ASTN2: variants seen among roughly 807,000 people sequenced by gnomAD.
ASTN2 encodes astrotactin-2.
ASTN2 carries 54 observed loss-of-function variants against 139.8 expected under a neutral mutation model. That is an observed-to-expected ratio of 0.39 (90% CI 0.31 to 0.48). The LOEUF is 0.48. Ranked by LOEUF, ASTN2 falls within the 20% of genes least tolerant of loss-of-function variation. The pLI, the probability that ASTN2 is intolerant of heterozygous loss-of-function variation, is 0.95. For synonymous variants in ASTN2, 756 were observed against 719.5 expected (o/e 1.05, Z -0.81); for missense variants, 1,565 against 1,725.1 (o/e 0.91, Z 1.64).
intron 10 of ASTN2, among the ~76,000 whole-genome samples, chr9:116,905,866 T>TTTTG (rs1564333913): frequency 6.1e-5 from 2 of 32,628 alleles, no homozygotes; most frequent in African/African-American, 1.4e-4. Context: ...TTTTTTTTTT[T>TTTTG]GGGGGGGGGT....
intron 12 of ASTN2, among the ~76,000 whole-genome samples, chr9:116,806,938 A>C (rs1008188753): frequency 5.9e-5 from 9 of 152,362 alleles, no homozygotes; most frequent in Admixed American, 3.9e-4. Flanking sequence ...GTAATATCAT[A>C]ATTTCTGCTT....
intron 7 of ASTN2, among the ~76,000 whole-genome samples, chr9:116,995,640 C>T (rs1339431902): frequency 6.6e-6 from 1 of 152,284 alleles, no homozygotes; most frequent in African/African-American, 2.4e-5. Context: ...GTGCTGATAG[C>T]ATAGGCTTGT....
At chr9:117,164,057 A>AT (rs1485056955) in intron 3 of ASTN2, among the ~76,000 whole-genome samples, 1 of 151,588 alleles carries the variant, frequency 6.6e-6, no homozygotes, top group African/African-American at 2.4e-5. Context: ...GAGTTCAGTG[A>AT]TTTTTTGATT....
At chr9:116,851,018 C>T (rs1389779775) in intron 11 of ASTN2, among the ~76,000 whole-genome samples, 1 of 152,150 alleles carries the variant, frequency 6.6e-6, no homozygotes, top group South Asian at 2.1e-4. Flanking sequence ...AATGTTAGGG[C>T]CCAGAAGAGG....
chr9:116,992,430 T>C (rs771356073), intron 7 of ASTN2, among the ~76,000 whole-genome samples: 6 of 152,166 alleles, frequency 3.9e-5, no homozygotes, highest in African/African-American at 7.2e-5. Context: ...GGGTCATTAA[T>C]TAATATTTTT....
intron 19 of ASTN2, among the ~76,000 whole-genome samples, chr9:116,502,718 GGAAGGAAGGAAGGAATGAAT>G (rs774155491): frequency 0.093 from 4,447 of 47,880 alleles, 261 homozygotes; most frequent in African/African-American, 0.13. Context: ...AAGGAAGGAA[GGAAGGAAGGAAGGAATGAAT>G]GAATGAATGA....
At chr9:117,098,851 T>C (rs1476298252) in intron 4 of ASTN2, among the ~76,000 whole-genome samples, 5 of 151,766 alleles carry the variant, frequency 3.3e-5, no homozygotes, top group Admixed American at 3.3e-4. Context: ...CTCACACCTG[T>C]AATCCCAGCA....
chr9:116,767,025 TAAAC>T (rs1236228269), intron 13 of ASTN2, among the ~76,000 whole-genome samples: 1 of 151,686 alleles, frequency 6.6e-6, no homozygotes, highest in Non-Finnish European at 1.5e-5. Context: ...CACTCACACA[TAAAC>T]ACACACAATC....
chr9:116,979,651 T>G (rs1273649867), intron 7 of ASTN2, among the ~76,000 whole-genome samples: 1 of 152,108 alleles, frequency 6.6e-6, no homozygotes, highest in African/African-American at 2.4e-5. Context: ...GACTGATTTA[T>G]GATCTGCTAC....
At chr9:116,721,022 C>A (rs1317702752) in intron 16 of ASTN2, among the ~76,000 whole-genome samples, 1 of 152,186 alleles carries the variant, frequency 6.6e-6, no homozygotes, top group Admixed American at 6.5e-5. Context: ...TACATACACA[C>A]AAACATACAC....
chr9:116,734,343 G>A (rs1828865112), intron 13 of ASTN2, among the ~76,000 whole-genome samples: 1 of 152,162 alleles, frequency 6.6e-6, no homozygotes, highest in African/African-American at 2.4e-5. Context: ...TAACAGTGCA[G>A]CAGAGGGAGG....
chr9:116,776,024 C>T (rs899767887), intron 13 of ASTN2, among the ~76,000 whole-genome samples: 10 of 152,096 alleles, frequency 6.6e-5, no homozygotes, highest in African/African-American at 2.4e-4. Flanking sequence ...AAGGGTGCCC[C>T]ACTGAAGGGA....
At chr9:117,100,286 C>T (rs918090615) in intron 4 of ASTN2, among the ~76,000 whole-genome samples, 37 of 152,114 alleles carry the variant, frequency 2.4e-4, no homozygotes, top group African/African-American at 7.3e-4. Flanking sequence ...CTTGTAAGTA[C>T]TAAAGTACCA....
At chr9:117,410,214 T>C (rs1831122656) in intron 1 of ASTN2, among the ~76,000 whole-genome samples, 1 of 152,184 alleles carries the variant, frequency 6.6e-6, no homozygotes, top group African/African-American at 2.4e-5. Context: ...CTGACCACTA[T>C]CAAGCACAGC....
rs1273559147 is a variant in ASTN2 at position 117,046,024 on chromosome 9, GTA to G, written c.1277-6061_1277-6060del. ...TGTATGTATGTATGTATGTATGTAT[GTA>G]GTCTCACTCTGTCACCCAGGCTGGA... On this transcript the variant is annotated intron_variant, in intron 5 of 22. Transcript: ENST00000313400. 6.1e-3 allele frequency among the ~76,000 whole-genome samples: 916 copies of G among 149,688 alleles called. 4 individuals are homozygous for G. Among genetic ancestry groups the G allele is most frequent in the East Asian group, 0.021 (105 of 5,010 alleles).
chr9:116,905,493 A>T (rs1265858628), intron 10 of ASTN2, among the ~76,000 whole-genome samples: 1 of 152,170 alleles, frequency 6.6e-6, no homozygotes, highest in East Asian at 1.9e-4. Context: ...GAGTATTTGG[A>T]CACAGGCAGG....
At chr9:117,087,626 C>T (rs1158572988) in intron 5 of ASTN2, among the ~76,000 whole-genome samples, 1 of 152,152 alleles carries the variant, frequency 6.6e-6, no homozygotes, top group Admixed American at 6.5e-5. Context: ...CTGTAACTGG[C>T]TAGCAATGAA....
intron 4 of ASTN2, among the ~76,000 whole-genome samples, chr9:117,116,531 G>T (rs913028990): frequency 6.6e-5 from 10 of 150,950 alleles, no homozygotes; most frequent in African/African-American, 2.2e-4. Flanking sequence ...TTTGCCATTT[G>T]CTTGATCAAA....
intron 20 of ASTN2, among the ~76,000 whole-genome samples, chr9:116,446,272 TAGAGAGAG>T (rs3040241): frequency 0.016 from 1,874 of 119,100 alleles, 23 homozygotes; most frequent in South Asian, 0.025. Flanking sequence ...GAGAGAGAGA[TAGAGAGAG>T]AGAGAGAGAG....
Sources: gnomAD v4.1 joint callset for allele counts (sites outside exome capture counted in the v4.1 genomes callset) on GRCh38, gnomAD v4.1.1 for gene constraint, MANE v1.5 for transcripts, NCBI Gene and HGNC (gene_info 2026-07-23, HGNC 2026-07-21) for gene names.